Variants in CFAP251 observed in about 807,000 individuals in gnomAD.
CFAP251 encodes the protein cilia and flagella associated protein 251.
In CFAP251, 93 loss-of-function variants were observed where a neutral mutation model predicts 126.7. The ratio of observed to expected loss-of-function variants is 0.73; its 90% CI spans 0.62 to 0.87. The LOEUF is 0.87. Ranked by LOEUF, CFAP251 falls within the 40% of genes least tolerant of loss-of-function variation. The pLI is 0.00. For missense variants in CFAP251, 1,287 were observed against 1,389.2 expected (o/e 0.93, Z 1.17); for synonymous variants, 503 against 506.9 (o/e 0.99, Z 0.10).
intron 1 of CFAP251, among the ~76,000 whole-genome samples, chr12:121,920,220 G>T (rs1241978386): frequency 8.3e-6 from 1 of 120,024 alleles, no homozygotes; most frequent in African/African-American, 3.1e-5. Flanking sequence ...CCACAAATGT[G>T]ACTTTTTTTT....
rs1881805152 is a variant in CFAP251 at position 121,958,419 on chromosome 12, C to T, written c.1878C>T (p.Ile626=). Residue 626 remains isoleucine (I), a synonymous_variant, in exon 12 of 22, where the codon ATC becomes ATT. Coordinates refer to ENST00000288912, the MANE Select transcript of CFAP251 (RefSeq NM_144668.6). The part of the protein sequence containing the change: ...PYQPLIAIGS[I]CGMIKVWNYE... ...AACCCCTCATTGCCATCGGGAGCAT[C>T]TGTGGGATGATCAAAGTGTGGAATT... 3 of 1,614,236 alleles carry T rather than the reference C, an allele frequency of 1.9e-6. No individual in the cohort carries two copies. The South Asian group carries it at 3.3e-5, about 18-fold the overall frequency.
At chr12:121,938,742 G>A (rs1880988405) in intron 5 of CFAP251, among the ~76,000 whole-genome samples, 1 of 151,212 alleles carries the variant, frequency 6.6e-6, no homozygotes, top group Non-Finnish European at 1.5e-5. Flanking sequence ...CAGCACTTTG[G>A]GAGGCCGAGG....
chr12:121,938,902 G>T (rs1880997161), intron 5 of CFAP251, among the ~76,000 whole-genome samples: 1 of 151,648 alleles, frequency 6.6e-6, no homozygotes, highest in Non-Finnish European at 1.5e-5. Context: ...AGACAGAATC[G>T]CTTGAACCCA....
chr12:121,954,837 A>T (rs535807918), intron 10 of CFAP251, among the ~76,000 whole-genome samples: 24 of 152,116 alleles, frequency 1.6e-4, no homozygotes, highest in African/African-American at 3.4e-4. Flanking sequence ...TTGGATTTTT[A>T]AAAAAATCAT....
In CFAP251 at chr12:121,931,754, C is replaced by T. The variant is rs973967422; in HGVS notation, c.756C>T (p.Thr252=). ...TTGCCCTTGTCTTCCAGACCATGACCTGGTCGTTTGGATGGAACAGTTCTC... is the reference window on the plus strand; with the variant it reads ...TTGCCCTTGTCTTCCAGACCATGACTTGGTCGTTTGGATGGAACAGTTCTC... The part of the protein sequence containing the change: ...KSTPVYPLTM[T]WSFGWNSSLP... The change falls in exon 4 of 22, where the codon ACC becomes ACT. Residue 252 remains threonine (T), a synonymous_variant. Coordinates refer to ENST00000288912, the MANE Select transcript of CFAP251 (RefSeq NM_144668.6). The T allele has an allele frequency of 6.3e-7, 1 of 1,575,736 alleles. No homozygotes were observed. The highest frequency in any genetic ancestry group is 8.6e-7 in the Non-Finnish European group (1 of 1,163,032).
chr12:121,926,505 T>C (rs77649824), intron 3 of CFAP251, among the ~76,000 whole-genome samples: 1 of 151,958 alleles, frequency 6.6e-6, no homozygotes, highest in Non-Finnish European at 1.5e-5. Flanking sequence ...TTTAAAAATC[T>C]TTTTTAGAGA....
chr12:121,929,596 A>G (rs1880595442), intron 3 of CFAP251, among the ~76,000 whole-genome samples: 3 of 151,914 alleles, frequency 2.0e-5, no homozygotes, highest in Admixed American at 2.0e-4. Context: ...TTCTAGTATC[A>G]TACAAATAGA....
intron 17 of CFAP251, among the ~76,000 whole-genome samples, chr12:121,973,150 T>A (rs998345339): frequency 6.6e-6 from 1 of 152,142 alleles, no homozygotes; most frequent in Non-Finnish European, 1.5e-5. Context: ...GTGCCCGGCA[T>A]CCCAGCCACT....
At chr12:121,952,240 T>TAAAAAAA (rs558861973) in intron 9 of CFAP251, among the ~76,000 whole-genome samples, 16 of 92,080 alleles carry the variant, frequency 1.7e-4, no homozygotes, top group South Asian at 9.0e-4. Flanking sequence ...TCGTTTCTAC[T>TAAAAAAA]AAAAAAAAAA....
chr12:121,946,291 T>C lies in CFAP251; in HGVS notation c.1192-2693T>C, dbSNP rs1565908560. Among the ~76,000 whole-genome samples, 5 of 152,360 alleles carry C rather than the reference T, an allele frequency of 3.3e-5. No homozygotes were observed. In the South Asian group the frequency reaches 1.0e-3, roughly 32 times the overall value. ...AATAGGTGTGTAACTGTTTATTAAT[T>C]CACTGTTAATGGACATTGGGTTGTT... On this transcript the variant is annotated intron_variant, in intron 7 of 21. Transcript: ENST00000288912.
At chr12:121,957,000 A>T in intron 10 of CFAP251, 74 bp from the exon 11 acceptor site, 2 of 1,183,510 alleles carry the variant, frequency 1.7e-6, no homozygotes, top group African/African-American at 1.6e-5. Context: ...AGAGCCTGAC[A>T]TATAATTAGG....
chr12:121,953,692 T>A (rs1016580198), intron 9 of CFAP251: 1 of 178,628 alleles, frequency 5.6e-6, no homozygotes, highest in Admixed American at 5.4e-5. Flanking sequence ...CTATGTACAG[T>A]GCTTAAATAT....
intron 3 of CFAP251, among the ~76,000 whole-genome samples, chr12:121,924,393 G>A (rs1472011155): frequency 1.1e-4 from 16 of 151,176 alleles, no homozygotes; most frequent in African/African-American, 3.9e-4. Flanking sequence ...GGGATTACAG[G>A]CGTGAGCCAC....
intron 17 of CFAP251, among the ~76,000 whole-genome samples, chr12:121,970,511 T>A (rs1306549111): frequency 6.6e-6 from 1 of 152,162 alleles, no homozygotes; most frequent in Non-Finnish European, 1.5e-5. Flanking sequence ...CTCCTCCTCA[T>A]CCAGGGAGCG....
In CFAP251 at chr12:121,921,566, G is replaced by A. The variant is rs754751954; in HGVS notation, c.261G>A (p.Lys87=). 1 of 1,614,014 alleles carries A rather than the reference G, an allele frequency of 6.2e-7. No individual in the cohort carries two copies. The highest frequency in any genetic ancestry group is 8.5e-7 in the Non-Finnish European group (1 of 1,180,010). The stretch of plus-strand genomic sequence containing the variant: ...AAAAGGCTGGAGAAGTCCAAGAGAA[G>A]GAGGCTTCAGGAATACAGGAAGAAA... ...TEEKAGEVQE[K]EASGIQEETT... is the part of the protein sequence containing the mutation. The change falls in exon 2 of 22, where the codon AAG becomes AAA. Residue 87 remains lysine, a synonymous_variant. Coordinates refer to ENST00000288912, the MANE Select transcript of CFAP251 (RefSeq NM_144668.6).
Position 121,921,387 on chromosome 12 carries a change from C to G in CFAP251, c.82C>G (p.Pro28Ala). 1 of 1,611,594 alleles carries G rather than the reference C, an allele frequency of 6.2e-7. No homozygotes were observed. The highest frequency in any genetic ancestry group is 8.5e-7 in the Non-Finnish European group (1 of 1,179,300). The change falls in exon 2 of 22, where the codon CCA (proline) becomes GCA (alanine). Residue 28 changes from proline (P) to alanine (A), a missense_variant. Transcript: ENST00000288912. The part of the protein sequence containing the change: ...TEMKEEEEPN[P>A]NYKEVEDPQQ... ...AATGAAAGAAGAGGAGGAACCTAATCCAAATTATAAAGAAGTAGAAGATCC... is the reference window on the plus strand; with the variant it reads ...AATGAAAGAAGAGGAGGAACCTAATGCAAATTATAAAGAAGTAGAAGATCC...
At position 121,942,612 on chromosome 12, in the gene CFAP251, G is replaced by C; in HGVS notation, c.1077G>C (p.Lys359Asn). The C allele has an allele frequency of 6.2e-7, 1 of 1,613,378 alleles. No homozygotes were observed. Among genetic ancestry groups the C allele is most frequent in the Non-Finnish European group, 8.5e-7 (1 of 1,180,024 alleles). ...CCATGGCCATGACCCACGACGCCAAGTATCTGGCAACCATCTCAGATGCTG... is the reference window on the plus strand; with the variant it reads ...CCATGGCCATGACCCACGACGCCAACTATCTGGCAACCATCTCAGATGCTG... ...IMAMAMTHDA[K>N]YLATISDAEV... is the part of the protein sequence containing the mutation. The change falls in exon 6 of 22, where the codon AAG becomes AAC. Residue 359 changes from lysine to asparagine, a missense_variant. Physicochemically the swap from Lys to Asn is moderately conservative, Grantham distance 94 (BLOSUM62 0). Transcript: ENST00000288912.
intron 19 of CFAP251, among the ~76,000 whole-genome samples, chr12:121,991,669 G>A (rs927700368): frequency 8.6e-5 from 13 of 151,986 alleles, no homozygotes; most frequent in Non-Finnish European, 1.9e-4. Context: ...CGAATGAGAA[G>A]CTTCCAAAAA....
Position 121,958,299 on chromosome 12 carries a change from C to T in CFAP251, c.1758C>T (p.Ala586=), listed in dbSNP as rs776384619. The change falls in exon 12 of 22, where the codon GCC becomes GCT. Residue 586 remains alanine (A), a synonymous_variant. Coordinates refer to ENST00000288912, the MANE Select transcript of CFAP251 (RefSeq NM_144668.6). ...ATTTTATCATTGGAACATCTGATGC[C>T]GCGGTGTACCACTTAACAACAGATG... ...LRNFIIGTSD[A]AVYHLTTDGT... The T allele has an allele frequency of 7.4e-6, 12 of 1,614,056 alleles. No individual in the cohort carries two copies. The highest frequency in any genetic ancestry group is 5.0e-5 in the Admixed American group (3 of 60,004).
Sources: gnomAD v4.1 joint callset for allele counts (sites outside exome capture counted in the v4.1 genomes callset) on GRCh38, gnomAD v4.1.1 for gene constraint, MANE v1.5 for transcripts, NCBI Gene and HGNC (gene_info 2026-07-23, HGNC 2026-07-21) for gene names.